EHD2: variants seen among roughly 807,000 people sequenced by gnomAD.
The protein encoded by EHD2 is EH domain containing 2.
Under a neutral mutation model 41.0 loss-of-function variants are expected in EHD2, and 27 were observed. The observed-to-expected ratio is 0.66, with a 90% confidence interval of 0.49 to 0.91. The LOEUF is 0.91. Among genes scored for constraint, EHD2 ranks in the 40% least tolerant of loss-of-function variants. The pLI is 0.00. For missense variants in EHD2, 673 were observed against 773.9 expected, an observed-to-expected ratio of 0.87 and a Z score of 1.55; for synonymous variants, 342 against 341.0, an observed-to-expected ratio of 1.00 and a Z score of -0.03.
At chr19:47,732,322 T>C (rs562412826) in intron 4 of EHD2, 1 of 152,170 alleles carries the variant, frequency 6.6e-6, no homozygotes, top group East Asian at 1.9e-4. Context: ...TTTCACCATG[T>C]TGTCCAGGCT....
chr19:47,733,815 A>C (rs892542514), intron 4 of EHD2, among the ~76,000 whole-genome samples: 2 of 150,462 alleles, frequency 1.3e-5, no homozygotes, highest in African/African-American at 2.4e-5. Context: ...TGAAGAAAGC[A>C]AAAAGCGAAT....
At chr19:47,720,657 G>T (rs563112488) in intron 3 of EHD2, among the ~76,000 whole-genome samples, 1 of 152,250 alleles carries the variant, frequency 6.6e-6, no homozygotes, top group African/African-American at 2.4e-5. Flanking sequence ...TTGTAGGTGT[G>T]AGTCTGACAT....
At chr19:47,731,278 AAATATATATAT>A (rs1568591736) in intron 4 of EHD2, 1 of 37,450 alleles carries the variant, frequency 2.7e-5, no homozygotes, top group African/African-American at 6.9e-5. Context: ...AAAAAAAAAA[AAATATATATAT>A]ATATATATAT....
chr19:47,741,144 G>A lies in EHD2; in HGVS notation c.1344G>A (p.Lys448=), dbSNP rs35910701. ...ACGAGGCCGAGTGGGTGGTGACCAA[G>A]GACAAGTCCAAATACGACGAGATCT... ...SDDEAEWVVT[K]DKSKYDEIFY... is the part of the protein sequence containing the mutation. Residue 448 remains lysine, a synonymous_variant, in exon 6 of 6, where the codon AAG becomes AAA. Transcript: ENST00000263277. This position sits in a 1 kb window ranked among gnomAD's most constrained non-coding sequence, Gnocchi z 4.5. The A allele has an allele frequency of 0.17, 276,037 of 1,612,214 alleles. 25,623 individuals carry two copies. Among genetic ancestry groups the A allele is most frequent in the Middle Eastern group, 0.22 (1,348 of 6,062 alleles).
rs758651936 is a variant in EHD2 at position 47,736,550 on chromosome 19, G to A, written c.1080+17G>A. On this transcript the variant is annotated intron_variant, in intron 5 of 5. Transcript: ENST00000263277. ...AAAATGCAGGTGGGAAGCTGCCCAG[G>A]AGGGAATGTTGGGGGTGGGTGATGG... 1.3e-6 allele frequency: 2 copies of A among 1,573,152 alleles called. No individual in the cohort carries two copies. Among genetic ancestry groups the A allele is most frequent in the East Asian group, 2.3e-5 (1 of 42,796 alleles).
chr19:47,733,751 CAAAAAAAAAAAAA>C (rs34254815), intron 4 of EHD2, among the ~76,000 whole-genome samples: 2 of 57,118 alleles, frequency 3.5e-5, no homozygotes, highest in Admixed American at 5.3e-4. Context: ...GACTCTGTCT[CAAAAAAAAAAAAA>C]AAAAAAAAAA....
At chr19:47,734,240 T>G (rs1016582983) in intron 4 of EHD2, among the ~76,000 whole-genome samples, 1 of 150,098 alleles carries the variant, frequency 6.7e-6, no homozygotes, top group Non-Finnish European at 1.5e-5. Context: ...GAGGCTGAGG[T>G]GGGAGGATGG....
At chr19:47,727,925 G>T (rs1432157516) in intron 4 of EHD2, among the ~76,000 whole-genome samples, 2 of 151,696 alleles carry the variant, frequency 1.3e-5, no homozygotes, top group East Asian at 3.9e-4. Flanking sequence ...GTGAAACTGC[G>T]TCTCTACTAA....
At chr19:47,725,579 T>G (rs1268425339) in intron 3 of EHD2, among the ~76,000 whole-genome samples, 1 of 152,004 alleles carries the variant, frequency 6.6e-6, no homozygotes, top group South Asian at 2.1e-4. Context: ...TGTAGCCAGA[T>G]GGCTTGAGGG....
intron 3 of EHD2, among the ~76,000 whole-genome samples, chr19:47,724,802 C>T (rs1433217411): frequency 6.6e-6 from 1 of 151,744 alleles, no homozygotes; most frequent in Non-Finnish European, 1.5e-5. Context: ...CATGGTGAAA[C>T]CCCGTCTCTA....
At position 47,741,512 on chromosome 19, in the gene EHD2, C is replaced by CGCCCTGCCT. The variant is rs140692689; in HGVS notation, c.*86_*94dup. 3.9e-3 allele frequency: 5,656 copies of CGCCCTGCCT among 1,447,288 alleles called. 214 individuals are homozygous for CGCCCTGCCT. The African/African-American group carries it at 0.069, about 18-fold the overall frequency. The allele number at this position is 1,447,288 out of a possible 1,614,324, so 89.7% of individuals were successfully genotyped here. A position where few individuals can be genotyped will look rare whatever the true frequency, so the allele number is the denominator to read the frequency against. On this transcript the variant is annotated 3_prime_UTR_variant, in exon 6 of 6. Coordinates refer to ENST00000263277, the MANE Select transcript of EHD2 (RefSeq NM_014601.4). This position sits in a 1 kb window ranked among gnomAD's most constrained non-coding sequence, Gnocchi z 4.5. ...GCACACCCCTGCTCCGGCTCACACACGCCCTGCCTGCCCTCCCTGCCCAGC... is the reference window on the plus strand; with the variant it reads ...GCACACCCCTGCTCCGGCTCACACACGCCCTGCCTGCCCTGCCTGCCCTCCCTGCCCAGC...
At chr19:47,723,367 A>G (rs766986594) in intron 3 of EHD2, among the ~76,000 whole-genome samples, 3 of 151,948 alleles carry the variant, frequency 2.0e-5, no homozygotes, top group Non-Finnish European at 2.9e-5. Flanking sequence ...CGCCATAAAA[A>G]CTCAACCATT....
chr19:47,729,061 G>A (rs1599896220), intron 4 of EHD2, among the ~76,000 whole-genome samples: 1 of 152,198 alleles, frequency 6.6e-6, no homozygotes, highest in East Asian at 1.9e-4. Context: ...GTCCTGTCCT[G>A]CTGGGGCTCC....
chr19:47,721,836 T>G (rs761256837), intron 3 of EHD2, among the ~76,000 whole-genome samples: 27 of 151,760 alleles, frequency 1.8e-4, no homozygotes, highest in Non-Finnish European at 2.9e-4. Flanking sequence ...AATACAAAAA[T>G]TAGCTGGGTG....
chr19:47,728,858 C>A (rs6509338), intron 4 of EHD2, among the ~76,000 whole-genome samples: 5 of 151,938 alleles, frequency 3.3e-5, no homozygotes, highest in African/African-American at 1.2e-4. Flanking sequence ...GCGTAAGCCA[C>A]CACACCCAGC....
chr19:47,731,301 T>TATATATATATAC (rs1568591837), intron 4 of EHD2: 2 of 96,490 alleles, frequency 2.1e-5, no homozygotes, highest in African/African-American at 3.1e-5. Context: ...TATATATATA[T>TATATATATATAC]ACATATATAT....
At chr19:47,733,669 AAAATAAAT>A (rs144493627) in intron 4 of EHD2, among the ~76,000 whole-genome samples, 1,936 of 147,954 alleles carry the variant, frequency 0.013, 55 homozygotes, top group African/African-American at 0.045. Flanking sequence ...TCTGTCTCAA[AAAATAAAT>A]AAATAAATAA....
At chr19:47,724,551 G>A (rs1008357157) in intron 3 of EHD2, among the ~76,000 whole-genome samples, 21 of 152,132 alleles carry the variant, frequency 1.4e-4, no homozygotes, top group African/African-American at 4.8e-4. Context: ...GTGAATAAAT[G>A]AGTGAAGAAG....
At chr19:47,723,149 C>T (rs1383149170) in intron 3 of EHD2, among the ~76,000 whole-genome samples, 2 of 152,176 alleles carry the variant, frequency 1.3e-5, no homozygotes, top group East Asian at 3.9e-4. Context: ...CCCCTGCCCA[C>T]CCTGGGCTGA....
Sources: allele counts gnomAD v4.1 joint callset (sites outside exome capture counted in the v4.1 genomes callset), GRCh38; gene constraint gnomAD v4.1.1; non-coding constraint Gnocchi (gnomAD v3.1); transcripts MANE v1.5; gene names NCBI Gene and HGNC (gene_info 2026-07-23, HGNC 2026-07-21).